Variants in KIF9 observed in about 807,000 individuals in gnomAD.
KIF9 encodes the protein kinesin family member 9, also known as kinesin-like protein KIF9.
In KIF9, 68 loss-of-function variants were observed where a neutral mutation model predicts 94.8. The observed-to-expected ratio is 0.72, with a 90% CI of 0.59 to 0.88. The LOEUF (loss-of-function observed/expected upper bound fraction) is 0.88, where lower values mean the gene tolerates loss of function less well. KIF9 is among the 40% of genes least tolerant of loss of function. KIF9 has a pLI of 0.00. For missense variants in KIF9, 882 were observed against 982.5 expected (o/e 0.90, Z 1.37); for synonymous variants, 343 against 362.1 (o/e 0.95, Z 0.60).
rs779223501 is a variant in KIF9, at chr3:47,239,829, G to A, written c.1924+972C>T. On this transcript the variant is annotated intron_variant, in intron 17 of 20. Transcript: ENST00000684063. ...TCTGACTTGCAGGAATAAACCAAGT[G>A]ACATCTGGAGATCACTCATGGAAGC... is the stretch of plus-strand genomic sequence containing the variant. The A allele has an allele frequency of 1.2e-5, 17 of 1,367,688 alleles. No homozygotes were observed. In the South Asian group the frequency reaches 1.8e-4, roughly 15 times the overall value. 84.7% of individuals were successfully genotyped at this position (1,367,688 alleles called of 1,614,324 possible). A position where few individuals can be genotyped will look rare whatever the true frequency, so the allele number is the denominator to read the frequency against.
Position 47,273,624 on chromosome 3 carries a change from G to A in KIF9, c.294C>T (p.Gly98=), listed in dbSNP as rs769571833. The change falls in exon 4 of 21, where the codon GGC becomes GGT. Residue 98 remains glycine (G), a synonymous_variant. Transcript: ENST00000684063. Reference sequence around the variant, plus strand: ...TTGCCCCCATCATGGTGTATGTCTTGCCAGCTCCCGTCTGCCCATAACACA... The same window carrying A: ...TTGCCCCCATCATGGTGTATGTCTTACCAGCTCCCGTCTGCCCATAACACA... ...TIMCYGQTGA[G]KTYTMMGATE... 2 of 1,614,092 alleles carry A rather than the reference G, an allele frequency of 1.2e-6. No homozygotes were observed. The highest frequency in any genetic ancestry group is 2.2e-5 in the East Asian group (1 of 44,876).
chr3:47,273,692 A>G, intron 3 of KIF9, 34 bp from the exon 4 acceptor site: 1 of 1,566,422 alleles, frequency 6.4e-7, no homozygotes, highest in East Asian at 2.3e-5. Context: ...GACATCCAGG[A>G]AAATAGCTCC....
At chr3:47,234,137 T>C (rs1398240536) in intron 20 of KIF9, among the ~76,000 whole-genome samples, 1 of 150,984 alleles carries the variant, frequency 6.6e-6, no homozygotes, top group African/African-American at 2.4e-5. Context: ...TAGAAACAAG[T>C]GATGGGGTGT....
At chr3:47,236,755 A>G (rs1008663021) in intron 17 of KIF9, 136 bp from the exon 18 acceptor site, 18 of 730,954 alleles carry the variant, frequency 2.5e-5, no homozygotes, top group Non-Finnish European at 4.1e-5. Context: ...GCCCATGGCA[A>G]GGAGATGGGC....
At chr3:47,229,309 CCATGGG>C (rs760803422) in intron 20 of KIF9, among the ~76,000 whole-genome samples, 10 of 152,130 alleles carry the variant, frequency 6.6e-5, no homozygotes, top group Non-Finnish European at 1.5e-4. Flanking sequence ...TGGTAATGCC[CCATGGG>C]TAACTGCAGA....
chr3:47,238,373 C>A (rs1429880574), intron 17 of KIF9: 1 of 152,114 alleles, frequency 6.6e-6, no homozygotes, highest in Non-Finnish European at 1.5e-5. Context: ...TGTGCCACCA[C>A]GCCCAGCTAA....
At chr3:47,240,554 C>T (rs1699393192) in intron 17 of KIF9, among the ~76,000 whole-genome samples, 1 of 152,072 alleles carries the variant, frequency 6.6e-6, no homozygotes. Flanking sequence ...GGTGGAAGGC[C>T]CAGCACCTAG....
intron 5 of KIF9, 34 bp from the exon 6 acceptor site, chr3:47,267,297 A>G: frequency 6.7e-7 from 1 of 1,488,698 alleles, no homozygotes; most frequent in Non-Finnish European, 9.4e-7. Context: ...CAACATTTCG[A>G]AAAACTAAAA....
chr3:47,275,229 G>T, intron 3 of KIF9, 96 bp downstream of exon 3: 1 of 925,700 alleles, frequency 1.1e-6, no homozygotes, highest in Non-Finnish European at 1.6e-6. Context: ...ACATACAAAT[G>T]ATAGTGAGTG....
rs1272553312 is a variant in KIF9 at position 47,277,283 on chromosome 3, CT to C, written c.91del (p.Arg31GlufsTer7). The C allele has an allele frequency of 1.2e-6, 2 of 1,612,338 alleles. No homozygotes were observed. The highest frequency in any genetic ancestry group is 1.7e-6 in the Non-Finnish European group (2 of 1,178,686). ...HEMIRYGDDK[R>X]SIDIHLKKDI... is the part of the protein sequence containing the mutation. The stretch of plus-strand genomic sequence containing the variant: ...TGAAGGCAAACACATCGCACTTACT[CT>C]TTTGTCATCTCCGTATCTGATCATT... On this transcript the variant is annotated frameshift_variant and splice_region_variant, in exon 2 of 21. Transcript: ENST00000684063. LOFTEE classifies it high-confidence loss of function.
intron 10 of KIF9, chr3:47,250,700 T>C: frequency 4.0e-6 from 1 of 249,552 alleles, no homozygotes; most frequent in Non-Finnish European, 8.9e-6. Flanking sequence ...GTGTCTTCCC[T>C]AAAAGAGGCA....
At chr3:47,264,199 G>T in intron 9 of KIF9, 87 bp downstream of exon 9, 1 of 999,096 alleles carries the variant, frequency 1.0e-6, no homozygotes, top group Non-Finnish European at 1.6e-6. Context: ...TGGCCACTGT[G>T]CCAGGGTAGC....
At chr3:47,269,010 G>A (rs1393845909) in intron 5 of KIF9, among the ~76,000 whole-genome samples, 1 of 152,128 alleles carries the variant, frequency 6.6e-6, no homozygotes, top group Non-Finnish European at 1.5e-5. Flanking sequence ...CTGACTTCCA[G>A]TGATCCGCCT....
chr3:47,281,148 G>A (rs1702314166), intron 1 of KIF9: 7 of 650,500 alleles, frequency 1.1e-5, no homozygotes, highest in Admixed American at 2.3e-5. Flanking sequence ...ATGGCTGGAA[G>A]TCAGAGGGCA....
At position 47,236,072 on chromosome 3, in the gene KIF9, G is replaced by A. The variant is rs779121891; in HGVS notation, c.2179C>T (p.Arg727Trp). 1.1e-5 allele frequency: 17 copies of A among 1,613,992 alleles called. 1 individual carries two copies. Among genetic ancestry groups the A allele is most frequent in the South Asian group, 6.6e-5 (6 of 91,082 alleles). The part of the protein sequence containing the change: ...QMALKPGGSI[R>W]PGMVPVNRIV... ...CTGTTCACAGGGACCATGCCTGGCC[G>A]GATGCTGCCGCCTGGCTTCAGTGCC... The change falls in exon 19 of 21, where the codon CGG becomes TGG. Residue 727 changes from arginine (R) to tryptophan (W), a missense_variant. By Grantham distance (101) the Arg-to-Trp change is moderately radical. Coordinates refer to ENST00000684063, the MANE Select transcript of KIF9 (RefSeq NM_182902.4).
At chr3:47,281,045 T>C in intron 1 of KIF9, 1 of 703,046 alleles carries the variant, frequency 1.4e-6, no homozygotes, top group South Asian at 1.5e-5. Context: ...GCAAGGATTG[T>C]GCTTTTTATC....
At chr3:47,265,612 G>C in intron 8 of KIF9, 118 bp downstream of exon 8, 1 of 1,059,686 alleles carries the variant, frequency 9.4e-7, no homozygotes, top group Non-Finnish European at 1.4e-6. Context: ...ATGTGCTGCA[G>C]GTGAATCCAT....
intron 20 of KIF9, among the ~76,000 whole-genome samples, chr3:47,230,970 C>T (rs1698526311): frequency 6.6e-6 from 1 of 152,096 alleles, no homozygotes; most frequent in African/African-American, 2.4e-5. Context: ...ACCCAGGGGG[C>T]AGAGGCTGCC....
In KIF9 at chr3:47,265,777, ATG is replaced by A. The variant is rs755784179; in HGVS notation, c.867_868del (p.Ile290ProfsTer53). On this transcript the variant is annotated frameshift_variant, in exon 8 of 21. Coordinates refer to ENST00000684063, the MANE Select transcript of KIF9 (RefSeq NM_182902.4). LOFTEE classifies it high-confidence loss of function. ...GGTGAGCTTGCACTGCCGAAAGGGG[ATG>A]TGGTCCCGCTTCTGGTCCCCAAGGG... is the stretch of plus-strand genomic sequence containing the variant. 5 of 1,613,988 alleles carry A rather than the reference ATG, an allele frequency of 3.1e-6. No homozygotes were observed. In the African/African-American group the frequency reaches 6.7e-5, roughly 22 times the overall value.
Sources: gnomAD v4.1 joint callset for allele counts (sites outside exome capture counted in the v4.1 genomes callset) on GRCh38, gnomAD v4.1.1 for gene constraint, MANE v1.5 for transcripts, NCBI Gene and HGNC (gene_info 2026-07-23, HGNC 2026-07-21) for gene names.